Variants in DCAF1 observed in about 807,000 individuals in gnomAD.
DCAF1 encodes the protein DDB1- and CUL4-associated factor 1.
A neutral mutation model predicts 128.0 loss-of-function variants in DCAF1; 15 were observed. The ratio of observed to expected loss-of-function variants is 0.12; its 90% CI spans 0.08 to 0.18. DCAF1 has a LOEUF of 0.18. Among genes scored for constraint, DCAF1 ranks in the 10% least tolerant of loss-of-function variants. The pLI is 1.00. For synonymous variants in DCAF1, 610 were observed against 603.0 expected (o/e 1.01, Z -0.17); for missense variants, 988 against 1,649.5 (o/e 0.60, Z 6.95).
intron 9 of DCAF1, chr3:51,440,068 T>C: frequency 4.6e-6 from 2 of 434,650 alleles, no homozygotes; most frequent in East Asian, 6.6e-5. Flanking sequence ...CAAGCACTAT[T>C]TCATAGTTTT....
intron 10 of DCAF1, among the ~76,000 whole-genome samples, chr3:51,432,669 G>C (rs1302671256): frequency 1.3e-5 from 2 of 152,086 alleles, no homozygotes; most frequent in African/African-American, 2.4e-5. Flanking sequence ...ATGTTGGCCA[G>C]GCTGATCTTG....
chr3:51,447,021 A>C (rs1378935926), intron 6 of DCAF1, among the ~76,000 whole-genome samples: 1 of 130,836 alleles, frequency 7.6e-6, no homozygotes, highest in Non-Finnish European at 1.6e-5. Context: ...AATATTTTTT[A>C]AAACCTCGTA....
chr3:51,476,345 C>T (rs1705440819), intron 3 of DCAF1, among the ~76,000 whole-genome samples: 2 of 150,832 alleles, frequency 1.3e-5, no homozygotes, highest in South Asian at 2.1e-4. Flanking sequence ...GAGCCAAGAT[C>T]GAGCCACTGC....
At chr3:51,446,502 A>C (rs1037765059) in intron 6 of DCAF1, among the ~76,000 whole-genome samples, 8 of 151,814 alleles carry the variant, frequency 5.3e-5, no homozygotes, top group African/African-American at 9.7e-5. Context: ...GTGGTGGTGG[A>C]CTCCTATAGT....
At chr3:51,410,097 G>A (rs1342486951) in intron 23 of DCAF1, among the ~76,000 whole-genome samples, 8 of 152,184 alleles carry the variant, frequency 5.3e-5, no homozygotes, top group Non-Finnish European at 1.5e-5. Context: ...GTAAAGGAAA[G>A]CCTTTCTACA....
chr3:51,436,223 G>C (rs1484216571), intron 9 of DCAF1, among the ~76,000 whole-genome samples: 4 of 152,326 alleles, frequency 2.6e-5, no homozygotes, highest in Middle Eastern at 3.4e-3. Flanking sequence ...CTCTACATGA[G>C]AGGGGTAAGA....
At chr3:51,499,411 G>A (rs1394019960) in intron 1 of DCAF1, among the ~76,000 whole-genome samples, 1 of 152,204 alleles carries the variant, frequency 6.6e-6, no homozygotes, top group Admixed American at 6.5e-5. Context: ...AGACGGGAGA[G>A]CCCGCCCAGG....
intron 6 of DCAF1, among the ~76,000 whole-genome samples, chr3:51,446,924 C>A (rs1280036273): frequency 4.8e-5 from 7 of 146,392 alleles, no homozygotes; most frequent in African/African-American, 1.8e-4. Flanking sequence ...CACGCCACTG[C>A]GCTCCAGCCT....
chr3:51,419,649 G>C lies in DCAF1; in HGVS notation c.3236+85C>G, dbSNP rs1577086356. ...CAAAGTAACAATCAGTGGTATTTCA[G>C]GACAACTATGCTGATACTGCCCAGT... On this transcript the variant is annotated intron_variant, in intron 15 of 24. Transcript: ENST00000684031. 28 of 1,511,332 alleles carry C rather than the reference G, an allele frequency of 1.9e-5. 1 individual carries two copies. The South Asian group carries it at 3.1e-4, about 17-fold the overall frequency. 93.6% of individuals were successfully genotyped at this position (1,511,332 alleles called of 1,614,324 possible).
At chr3:51,463,075 T>C (rs782159423) in intron 6 of DCAF1, 39 bp downstream of exon 6, 15 of 1,398,142 alleles carry the variant, frequency 1.1e-5, no homozygotes, top group Non-Finnish European at 5.8e-6. Flanking sequence ...CATAATTCAA[T>C]TACAAAATAA....
At chr3:51,448,950 G>A (rs1202833871) in intron 6 of DCAF1, among the ~76,000 whole-genome samples, 2 of 151,560 alleles carry the variant, frequency 1.3e-5, no homozygotes, top group African/African-American at 4.8e-5. Context: ...CATATGTTAG[G>A]CCACAAGTCT....
rs1427916603 is a variant in DCAF1 at position 51,441,702 on chromosome 3, T to C, written c.709A>G (p.Met237Val). The C allele has an allele frequency of 1.9e-6, 3 of 1,613,882 alleles. No individual in the cohort carries two copies. The highest frequency in any genetic ancestry group is 1.7e-5 in the Admixed American group (1 of 59,984). ...DGDQEEASGD[M>V]EISFHLDSGH... ...GAATCAAGATGAAAGGAGATCTCCA[T>C]GTCTCCAGAAGCTTCCTCTTGGTCT... The change falls in exon 8 of 25, where the codon ATG becomes GTG. Residue 237 changes from methionine to valine, a missense_variant. This residue lies in a region of DCAF1 where 210 missense variants were observed against 260.2 expected (regional missense o/e 0.81). Transcript: ENST00000684031.
rs1701309094 is a variant in DCAF1 at position 51,440,975 on chromosome 3, G to C, written c.1123C>G (p.Leu375Val). The change falls in exon 9 of 25, where the codon CTA becomes GTA. Residue 375 changes from leucine to valine, a missense_variant. By Grantham distance (32) the Leu-to-Val change is conservative. Coordinates refer to ENST00000684031, the MANE Select transcript of DCAF1 (RefSeq NM_001387579.1). The stretch of plus-strand genomic sequence containing the variant: ...AATATTTTTAAGAACTTTACCTTTA[G>C]TGCCTCAAATGTAAGCAGGACATCA... ...TNDVLLTFEA[L>V]KHLASLLLHN... is the part of the protein sequence containing the mutation. The C allele has an allele frequency of 6.2e-7, 1 of 1,610,036 alleles. No individual in the cohort carries two copies. The highest frequency in any genetic ancestry group is 8.5e-7 in the Non-Finnish European group (1 of 1,178,340).
chr3:51,429,196 T>A, intron 12 of DCAF1, 65 bp downstream of exon 12: 2 of 711,020 alleles, frequency 2.8e-6, no homozygotes, highest in Non-Finnish European at 5.3e-6. Flanking sequence ...GAATGTGAGT[T>A]TCAGGACTGA....
chr3:51,420,290 C>T lies in DCAF1; in HGVS notation c.2680G>A (p.Ala894Thr). The T allele has an allele frequency of 6.2e-7, 1 of 1,614,010 alleles. No homozygotes were observed. Among genetic ancestry groups the T allele is most frequent in the South Asian group, 1.1e-5 (1 of 91,080 alleles). Residue 894 changes from alanine (A) to threonine (T), a missense_variant, in exon 15 of 25, where the codon GCT becomes ACT. By Grantham distance (58) the Ala-to-Thr change is moderately conservative. This residue lies in a region of DCAF1 where 88 missense variants were observed against 107.7 expected (regional missense o/e 0.82). Transcript: ENST00000684031. The surrounding 1 kb of genome is among the most constrained non-coding windows in gnomAD (Gnocchi z 6.5). ...GTTCGGGGTAGAGAGACAGGAGAAG[C>T]AGCAGCAGTGACTGGGGTAAAGGCA... ...SSAFTPVTAA[A>T]SPVSLPRTPR...
At chr3:51,497,146 T>C (rs1313623329) in intron 1 of DCAF1, among the ~76,000 whole-genome samples, 1 of 151,868 alleles carries the variant, frequency 6.6e-6, no homozygotes, top group Admixed American at 6.6e-5. Context: ...AATAAAAAAA[T>C]TAGCCAGGCG....
At chr3:51,458,101 T>G (rs1703123540) in intron 6 of DCAF1, among the ~76,000 whole-genome samples, 1 of 152,136 alleles carries the variant, frequency 6.6e-6, no homozygotes, top group Non-Finnish European at 1.5e-5. Flanking sequence ...ATGCTCCAAT[T>G]AAAAGACACA....
At chr3:51,462,681 G>GTA (rs1703732062) in intron 6 of DCAF1, among the ~76,000 whole-genome samples, 1 of 149,012 alleles carries the variant, frequency 6.7e-6, no homozygotes, top group Non-Finnish European at 1.5e-5. Flanking sequence ...GGGAGGCAGA[G>GTA]GTTGTAGTGA....
At chr3:51,453,398 C>T (rs1422139491) in intron 6 of DCAF1, among the ~76,000 whole-genome samples, 1 of 151,720 alleles carries the variant, frequency 6.6e-6, no homozygotes, top group Non-Finnish European at 1.5e-5. Flanking sequence ...GAGGCTGAGG[C>T]GGGAGGACTG....
Sources: gnomAD v4.1 joint callset for allele counts (sites outside exome capture counted in the v4.1 genomes callset) on GRCh38, gnomAD v4.1.1 for gene constraint, gnomAD v4.1.1 regional missense constraint, Gnocchi (gnomAD v3.1) non-coding constraint, MANE v1.5 for transcripts, NCBI Gene and HGNC (gene_info 2026-07-23, HGNC 2026-07-21) for gene names.